Variants in NKD2 observed in about 807,000 individuals in gnomAD.
NKD2 encodes the protein protein naked cuticle homolog 2.
Under a neutral mutation model 34.8 loss-of-function variants are expected in NKD2, and 43 were observed. The ratio of observed to expected loss-of-function variants is 1.24; its 90% CI spans 0.97 to 1.60. The LOEUF (loss-of-function observed/expected upper bound fraction) is 1.60. Among genes scored for constraint, NKD2 ranks in the 40% most tolerant of loss-of-function variants. NKD2 has a pLI of 0.00. For synonymous variants in NKD2, 278 were observed against 265.1 expected, an observed-to-expected ratio of 1.05 and a Z score of -0.47; for missense variants, 675 against 627.1, an observed-to-expected ratio of 1.08 and a Z score of -0.82.
chr5:1,009,242 G>T lies in NKD2; in HGVS notation c.61+28G>T, dbSNP rs1755650426. 4.1e-6 allele frequency: 2 copies of T among 489,420 alleles called. No homozygotes were observed. Among genetic ancestry groups the T allele is most frequent in the Non-Finnish European group, 7.1e-6 (2 of 281,568 alleles). The allele number at this position is 489,420 out of a possible 1,614,324, so 30.3% of individuals were successfully genotyped here. A position where few individuals can be genotyped will look rare whatever the true frequency, so the allele number is the denominator to read the frequency against. On this transcript the variant is annotated intron_variant, in intron 2 of 9. Transcript: ENST00000296849. The surrounding 1 kb of genome is among the most constrained non-coding windows in gnomAD (Gnocchi z 6.9). ...GAGCGGGCGAGCCGACGGGCGGGGC[G>T]GGGGGCGGCGACCCGGCCCGGGACC...
chr5:1,018,823 G>T (rs1756059153), intron 3 of NKD2, among the ~76,000 whole-genome samples: 1 of 152,200 alleles, frequency 6.6e-6, no homozygotes, highest in African/African-American at 2.4e-5. Context: ...AGCCGCCCCA[G>T]AGGCCCATTC....
chr5:1,033,303 G>T, intron 4 of NKD2, 69 bp from the exon 5 acceptor site: 1 of 1,427,202 alleles, frequency 7.0e-7, no homozygotes, highest in Non-Finnish European at 9.6e-7. Context: ...AGCAGCGAGG[G>T]TCCCCAATGG....
intron 3 of NKD2, among the ~76,000 whole-genome samples, chr5:1,021,079 A>G (rs1365938639): frequency 2.6e-5 from 4 of 152,178 alleles, no homozygotes; most frequent in Non-Finnish European, 4.4e-5. Context: ...TCTTATAGGA[A>G]GTTAAGTCGC....
chr5:1,038,268 G>A lies in NKD2; in HGVS notation c.1251G>A (p.Thr417=), dbSNP rs35320140. The part of the protein sequence containing the change: ...EHEVVRDLPP[T]PAGEGYAVPV... The stretch of plus-strand genomic sequence containing the variant: ...AGGTGGTGCGGGACCTGCCGCCCAC[G>A]CCAGCAGGAGAGGGCTACGCGGTGC... Residue 417 remains threonine (T), a synonymous_variant, in exon 10 of 10, where the codon ACG becomes ACA. Coordinates refer to ENST00000296849, the MANE Select transcript of NKD2 (RefSeq NM_033120.4). This position sits in a 1 kb window ranked among gnomAD's most constrained non-coding sequence, Gnocchi z 4.5. 2.4e-3 allele frequency: 3,739 copies of A among 1,575,142 alleles called. 2 individuals are homozygous for A. Among genetic ancestry groups the A allele is most frequent in the Non-Finnish European group, 2.7e-3 (3,098 of 1,165,034 alleles).
chr5:1,037,616 C>G (rs777200408), intron 9 of NKD2, 189 bp from the exon 10 acceptor site: 24 of 1,535,768 alleles, frequency 1.6e-5, no homozygotes, highest in Non-Finnish European at 2.1e-5. Flanking sequence ...TGGAGCCAGG[C>G]AGGTCACCCA....
At chr5:1,029,517 G>A (rs1303281630) in intron 3 of NKD2, among the ~76,000 whole-genome samples, 6 of 152,144 alleles carry the variant, frequency 3.9e-5, no homozygotes, top group Non-Finnish European at 7.4e-5. Flanking sequence ...CTGTCACCCT[G>A]TGCATTTACA....
At chr5:1,026,496 A>G (rs1393166857) in intron 3 of NKD2, among the ~76,000 whole-genome samples, 21 of 100,660 alleles carry the variant, frequency 2.1e-4, no homozygotes, top group Non-Finnish European at 2.5e-4. Flanking sequence ...TGGGCGTCTC[A>G]GCCCATTGTC....
intron 3 of NKD2, among the ~76,000 whole-genome samples, chr5:1,012,360 C>T (rs1205735481): frequency 3.3e-5 from 5 of 152,226 alleles, no homozygotes; most frequent in African/African-American, 4.8e-5. Context: ...CTGGCCTGCA[C>T]GGGGGGCTCT....
Position 1,009,506 on chromosome 5 carries a change from C to G in NKD2, c.87C>G (p.Tyr29Ter). ...PEGDSFVASA[Y>*]ASGRKGAEEA... ...GGGACAGCTTCGTGGCGTCCGCGTA[C>G]GCGAGCGGCCGCAAAGGCGCGGAGG... Residue 29 changes from tyrosine (Y) to a stop codon, truncating the protein, a stop_gained, in exon 3 of 10, where the codon TAC becomes TAG. Transcript: ENST00000296849. LOFTEE classifies it high-confidence loss of function. This position sits in a 1 kb window ranked among gnomAD's most constrained non-coding sequence, Gnocchi z 6.9. 2 of 1,497,632 alleles carry G rather than the reference C, an allele frequency of 1.3e-6. No individual in the cohort carries two copies. Among genetic ancestry groups the G allele is most frequent in the East Asian group, 2.8e-5 (1 of 35,954 alleles). 92.8% of individuals were successfully genotyped at this position (1,497,632 alleles called of 1,614,324 possible).
At chr5:1,011,934 G>C (rs1250286298) in intron 3 of NKD2, among the ~76,000 whole-genome samples, 1 of 152,232 alleles carries the variant, frequency 6.6e-6, no homozygotes, top group Non-Finnish European at 1.5e-5. Flanking sequence ...TAGGGCCATG[G>C]GATCACTGGT....
chr5:1,035,691 G>C (rs905152840), intron 8 of NKD2: 1 of 557,628 alleles, frequency 1.8e-6, no homozygotes, highest in Non-Finnish European at 3.2e-6. Flanking sequence ...AGAGGGCTTT[G>C]AGGGGCAGCA....
chr5:1,028,511 G>A (rs1031066865), intron 3 of NKD2, among the ~76,000 whole-genome samples: 8 of 152,052 alleles, frequency 5.3e-5, no homozygotes, highest in African/African-American at 1.9e-4. Context: ...GCAGGCCCAC[G>A]GTCGGGTTCC....
intron 7 of NKD2, 75 bp from the exon 8 acceptor site, chr5:1,035,314 A>G (rs1233469250): frequency 1.3e-4 from 147 of 1,142,872 alleles, no homozygotes; most frequent in Middle Eastern, 1.9e-4. Flanking sequence ...GAGTGAGTTA[A>G]TGAATGAGTG....
rs149700113 is a variant in NKD2, at chr5:1,035,376, A to ACC, written c.575-8_575-7dup. The stretch of plus-strand genomic sequence containing the variant: ...GAGGGAGGGAGTGAGTAATGGCAGG[A>ACC]CCCCCCTTTCAGACCGGGAGCCCAC... On this transcript the variant is annotated splice_polypyrimidine_tract_variant and intron_variant, in intron 7 of 9. Transcript: ENST00000296849. The ACC allele has an allele frequency of 7.5e-5, 116 of 1,551,744 alleles. 1 individual carries two copies. The highest frequency in any genetic ancestry group is 7.3e-5 in the Non-Finnish European group (84 of 1,146,626).
chr5:1,009,190 C>A lies in NKD2; in HGVS notation c.37C>A (p.Arg13Ser). 1.8e-6 allele frequency: 1 copy of A among 563,402 alleles called. No homozygotes were observed. The highest frequency in any genetic ancestry group is 3.2e-6 in the Non-Finnish European group (1 of 313,682). 34.9% of individuals were successfully genotyped at this position (563,402 alleles called of 1,614,324 possible). A position where few individuals can be genotyped will look rare whatever the true frequency, so the allele number is the denominator to read the frequency against. ...KLQSKHAAAA[R>S]KRRESPEGDS... The stretch of plus-strand genomic sequence containing the variant: ...CCGCCGTGCCGCAGCCGCCGCCGCC[C>A]GCAAGCGGAGAGAGAGCCCGGAAGG... The change falls in exon 2 of 10, where the codon CGC becomes AGC. Residue 13 changes from arginine (R) to serine (S), a missense_variant. By Grantham distance (110) the Arg-to-Ser change is moderately radical. Transcript: ENST00000296849. This position sits in a 1 kb window ranked among gnomAD's most constrained non-coding sequence, Gnocchi z 6.9.
chr5:1,026,373 G>A (rs138008775), intron 3 of NKD2, among the ~76,000 whole-genome samples: 28 of 44,368 alleles, frequency 6.3e-4, no homozygotes, highest in Admixed American at 1.2e-3. Context: ...TGGGCGTCTC[G>A]GCCCATTGTC....
intron 3 of NKD2, among the ~76,000 whole-genome samples, chr5:1,019,583 G>T (rs547444158): frequency 2.0e-5 from 3 of 152,180 alleles, no homozygotes; most frequent in South Asian, 4.1e-4. Context: ...GGCATGCGAC[G>T]GGGGTGCTTT....
At position 1,008,816 on chromosome 5, in the gene NKD2, CGCCGTCGCT is replaced by C. The variant is rs956354429; in HGVS notation, c.-237_-229del. On this transcript the variant is annotated 5_prime_UTR_variant, in exon 1 of 10. Coordinates refer to ENST00000296849, the MANE Select transcript of NKD2 (RefSeq NM_033120.4). ...CGCACGCGCTCAGAGGGAGCCGGGC[CGCCGTCGCT>C]GCCGCCGCTGTCCCCGCGCCCTGCG... The C allele has an allele frequency of 2.1e-5, 5 of 234,466 alleles. No individual in the cohort carries two copies. The highest frequency in any genetic ancestry group is 3.2e-5 in the Non-Finnish European group (4 of 123,252). The allele number at this position is 234,466 out of a possible 1,614,324, so 14.5% of individuals were successfully genotyped here.
At chr5:1,025,903 C>G (rs531732976) in intron 3 of NKD2, among the ~76,000 whole-genome samples, 1 of 120,332 alleles carries the variant, frequency 8.3e-6, no homozygotes, top group African/African-American at 3.4e-5. Context: ...GCTCTTCCCA[C>G]CCTCTGTGGG....
Sources: allele counts gnomAD v4.1 joint callset (sites outside exome capture counted in the v4.1 genomes callset), GRCh38; gene constraint gnomAD v4.1.1; non-coding constraint Gnocchi (gnomAD v3.1); transcripts MANE v1.5; gene names NCBI Gene and HGNC (gene_info 2026-07-23, HGNC 2026-07-21).